COL25A1: variants seen among roughly 807,000 people sequenced by gnomAD.
COL25A1 encodes the protein collagen type XXV alpha 1 chain, also known as collagen alpha-1(XXV) chain.
A neutral mutation model predicts 128.4 loss-of-function variants in COL25A1; 103 were observed. The observed-to-expected ratio is 0.80, with a 90% confidence interval of 0.68 to 0.94. The LOEUF (loss-of-function observed/expected upper bound fraction) is 0.94. Ranked by LOEUF, COL25A1 falls within the 40% of genes least tolerant of loss-of-function variation. The pLI, the probability that COL25A1 is intolerant of heterozygous loss-of-function variation, is 0.00. For synonymous variants in COL25A1, 279 were observed against 277.2 expected (o/e 1.01, Z -0.06); for missense variants, 745 against 840.0 (o/e 0.89, Z 1.40).
At chr4:108,856,395 C>A (rs911812782) in intron 24 of COL25A1, among the ~76,000 whole-genome samples, 3 of 152,078 alleles carry the variant, frequency 2.0e-5, no homozygotes, top group African/African-American at 7.2e-5. Flanking sequence ...TAATATATTT[C>A]TATTTATCTG....
chr4:109,291,570 G>T (rs1724479101), intron 3 of COL25A1, among the ~76,000 whole-genome samples: 1 of 151,926 alleles, frequency 6.6e-6, no homozygotes, highest in Non-Finnish European at 1.5e-5. Context: ...ATACTACCTT[G>T]TGGACTAAAT....
Position 108,817,499 on chromosome 4 carries a change from A to C in COL25A1, c.1924-64T>G, listed in dbSNP as rs1033496713. 2.7e-6 allele frequency: 4 copies of C among 1,480,856 alleles called. No individual in the cohort carries two copies. The Admixed American group carries it at 5.2e-5, about 19-fold the overall frequency. 91.7% of individuals were successfully genotyped at this position (1,480,856 alleles called of 1,614,324 possible). ...TAAGAGTGATTAAACTTCATAATTCACATGCTCAGAGGCTTAAAAATAAAT... is the reference window on the plus strand; with the variant it reads ...TAAGAGTGATTAAACTTCATAATTCCCATGCTCAGAGGCTTAAAAATAAAT... On this transcript the variant is annotated intron_variant, in intron 36 of 37. Transcript: ENST00000399132.
At chr4:109,182,216 C>A (rs1469774763) in intron 3 of COL25A1, among the ~76,000 whole-genome samples, 1 of 152,072 alleles carries the variant, frequency 6.6e-6, no homozygotes, top group African/African-American at 2.4e-5. Flanking sequence ...GTACACTCAG[C>A]AGTGGGATTG....
intron 16 of COL25A1, among the ~76,000 whole-genome samples, chr4:108,893,844 A>G (rs1741823183): frequency 6.6e-6 from 1 of 152,184 alleles, no homozygotes; most frequent in African/African-American, 2.4e-5. Flanking sequence ...CACATCAAAA[A>G]TTATATTCCA....
At chr4:108,903,483 T>A (rs1743098688) in intron 13 of COL25A1, among the ~76,000 whole-genome samples, 1 of 152,180 alleles carries the variant, frequency 6.6e-6, no homozygotes, top group South Asian at 2.1e-4. Flanking sequence ...TGACCACTTG[T>A]TTAATCAGTC....
chr4:109,105,293 G>A (rs1039680691), intron 3 of COL25A1, among the ~76,000 whole-genome samples: 31 of 152,090 alleles, frequency 2.0e-4, no homozygotes, highest in African/African-American at 7.2e-4. Flanking sequence ...GGCCAACATG[G>A]TGAAACCTCA....
intron 8 of COL25A1, among the ~76,000 whole-genome samples, chr4:108,958,270 C>T (rs757914843): frequency 6.6e-6 from 1 of 151,956 alleles, no homozygotes; most frequent in Non-Finnish European, 1.5e-5. Context: ...CTCAACAGGG[C>T]AATTTTGTTA....
At chr4:108,961,622 T>TTCTGTTCTGTTCTGTTCTGTTCTGC (rs1560937081) in intron 8 of COL25A1, among the ~76,000 whole-genome samples, 2 of 151,366 alleles carry the variant, frequency 1.3e-5, no homozygotes, top group Non-Finnish European at 3.0e-5. Flanking sequence ...TTCTGTTCTG[T>TTCTGTTCTGTTCTGTTCTGTTCTGC]TCTGTTGTTG....
intron 3 of COL25A1, among the ~76,000 whole-genome samples, chr4:109,203,982 G>A (rs926857882): frequency 6.6e-6 from 1 of 152,022 alleles, no homozygotes; most frequent in Non-Finnish European, 1.5e-5. Context: ...AGGAATAACA[G>A]AATAAAATCT....
At chr4:109,213,483 C>A (rs146557322) in intron 3 of COL25A1, among the ~76,000 whole-genome samples, 1 of 152,234 alleles carries the variant, frequency 6.6e-6, no homozygotes, top group African/African-American at 2.4e-5. Flanking sequence ...TCTTGGAAAC[C>A]AGCTGCACGC....
At chr4:109,130,103 C>A (rs1458933549) in intron 3 of COL25A1, among the ~76,000 whole-genome samples, 2 of 150,812 alleles carry the variant, frequency 1.3e-5, no homozygotes, top group East Asian at 3.9e-4. Context: ...TTATTAAATC[C>A]ATCTTTCCAC....
Position 108,901,114 on chromosome 4 carries a change from C to T in COL25A1, c.834+5G>A. 1.2e-6 allele frequency: 2 copies of T among 1,609,230 alleles called. No homozygotes were observed. The highest frequency in any genetic ancestry group is 1.7e-6 in the Non-Finnish European group (2 of 1,176,088). Reference sequence around the variant, plus strand: ...ATGATTCTGCTTGGCTTTATTTGTACTAACCTTAGGTCCTGGTATTCCATT... The same window carrying T: ...ATGATTCTGCTTGGCTTTATTTGTATTAACCTTAGGTCCTGGTATTCCATT... On this transcript the variant is annotated splice_donor_5th_base_variant and intron_variant, in intron 14 of 37. Coordinates refer to ENST00000399132, the MANE Select transcript of COL25A1 (RefSeq NM_198721.4).
chr4:109,087,109 C>A (rs1764465213), intron 3 of COL25A1, among the ~76,000 whole-genome samples: 1 of 151,904 alleles, frequency 6.6e-6, no homozygotes, highest in Non-Finnish European at 1.5e-5. Context: ...AGTGTGTGGG[C>A]AAAATGACAA....
intron 5 of COL25A1, among the ~76,000 whole-genome samples, chr4:109,039,078 C>G (rs1759623955): frequency 6.6e-6 from 1 of 152,092 alleles, no homozygotes; most frequent in Non-Finnish European, 1.5e-5. Flanking sequence ...TTAATGCCAC[C>G]TAAATCCACC....
intron 35 of COL25A1, 31 bp from the exon 36 acceptor site, chr4:108,819,360 T>G: frequency 6.4e-7 from 1 of 1,555,864 alleles, no homozygotes. Flanking sequence ...ATAATGTTAC[T>G]AACACAAGAA....
intron 3 of COL25A1, among the ~76,000 whole-genome samples, chr4:109,194,469 T>C (rs1402938074): frequency 6.6e-6 from 1 of 152,180 alleles, no homozygotes; most frequent in African/African-American, 2.4e-5. Context: ...TTAGCTTCCA[T>C]GCCGAGAACT....
intron 3 of COL25A1, among the ~76,000 whole-genome samples, chr4:109,191,967 A>G (rs11728858): frequency 0.5 from 75,753 of 152,110 alleles, 21,626 homozygotes; most frequent in Non-Finnish European, 0.65. Context: ...GTGCAACAGG[A>G]ATAGTGGTCA....
intron 19 of COL25A1, among the ~76,000 whole-genome samples, chr4:108,870,744 T>C (rs779166630): frequency 6.6e-6 from 1 of 152,198 alleles, no homozygotes; most frequent in East Asian, 1.9e-4. Context: ...AAATGATATA[T>C]ACAAATAAAT....
intron 3 of COL25A1, among the ~76,000 whole-genome samples, chr4:109,299,384 T>C (rs577969815): frequency 7.2e-5 from 11 of 152,206 alleles, no homozygotes; most frequent in Non-Finnish European, 1.2e-4. Flanking sequence ...TTCTGGTACC[T>C]AACATATATG....
Sources: gnomAD v4.1 joint callset for allele counts (sites outside exome capture counted in the v4.1 genomes callset) on GRCh38, gnomAD v4.1.1 for gene constraint, MANE v1.5 for transcripts, NCBI Gene and HGNC (gene_info 2026-07-23, HGNC 2026-07-21) for gene names.